AGBL1: variants seen among roughly 807,000 people sequenced by gnomAD.
AGBL1 encodes AGBL carboxypeptidase 1, also known as cytosolic carboxypeptidase 4.
In AGBL1, 130 loss-of-function variants were observed where a neutral mutation model predicts 118.9. That is an observed-to-expected ratio of 1.09 (90% CI 0.95 to 1.26). The LOEUF is 1.26. AGBL1 is among the 50% of genes most tolerant of loss of function. The probability of loss-of-function intolerance (pLI) is 0.00; values close to 1 mark genes in which losing one functional copy is unlikely to be tolerated. For missense variants in AGBL1, 1,584 were observed against 1,298.1 expected (o/e 1.22, Z -3.38); for synonymous variants, 555 against 478.9 (o/e 1.16, Z -2.08).
In AGBL1 at chr15:87,015,143, A is replaced by G. The variant is rs2081597050; in HGVS notation, c.3324-13682A>G. 2.6e-5 allele frequency among the ~76,000 whole-genome samples: 4 copies of G among 151,722 alleles called. No individual in the cohort carries two copies. The Middle Eastern group carries it at 0.01, about 387-fold the overall frequency. ...GAAATCCAGGTTCTTCAAGCTTTGA[A>G]CTCTGAAACCTGCACCTTTAGCCTC... On this transcript the variant is annotated intron_variant, in intron 24 of 24. Coordinates refer to the AGBL1 transcript ENST00000441037.
intron 18 of AGBL1, among the ~76,000 whole-genome samples, chr15:86,427,613 T>A (rs1475252921): frequency 6.6e-6 from 1 of 152,160 alleles, no homozygotes; most frequent in Admixed American, 6.5e-5. Context: ...TCATAAAGTT[T>A]TGACTATTTA....
intron 21 of AGBL1, among the ~76,000 whole-genome samples, chr15:86,658,981 G>A (rs770223611): frequency 2.0e-5 from 3 of 152,160 alleles, no homozygotes; most frequent in Non-Finnish European, 4.4e-5. Flanking sequence ...CGCAGAACAT[G>A]TGTTGGCTGG....
chr15:86,381,749 C>T (rs572957811), intron 17 of AGBL1, among the ~76,000 whole-genome samples: 1 of 152,068 alleles, frequency 6.6e-6, no homozygotes, highest in Non-Finnish European at 1.5e-5. Flanking sequence ...AGAGGGCTTT[C>T]CTGCAGAAGG....
At chr15:86,250,768 G>A (rs899586009) in intron 7 of AGBL1, among the ~76,000 whole-genome samples, 1 of 152,148 alleles carries the variant, frequency 6.6e-6, no homozygotes, top group Non-Finnish European at 1.5e-5. Flanking sequence ...GGTGAGTGCT[G>A]TGAGCACAGA....
chr15:86,366,809 G>T (rs560399179), intron 17 of AGBL1, among the ~76,000 whole-genome samples: 1 of 152,198 alleles, frequency 6.6e-6, no homozygotes, highest in South Asian at 2.1e-4. Context: ...GATCTTGGGG[G>T]GAAAAAGGTT....
chr15:86,261,403 C>T lies in AGBL1; in HGVS notation c.970-1375C>T, dbSNP rs6496315. On this transcript the variant is annotated intron_variant, in intron 9 of 22. Transcript: ENST00000614907. ...AGTTGGTCATGGTGTGTATACTGTA[C>T]CTGAAAATATCATTAAATGAAACTC... 6.1e-3 allele frequency among the ~76,000 whole-genome samples: 922 copies of T among 152,212 alleles called. 6 individuals are homozygous for T. The highest frequency in any genetic ancestry group is 0.017 in the African/African-American group (718 of 41,494).
At chr15:86,785,997 G>A (rs1030247993) in intron 22 of AGBL1, among the ~76,000 whole-genome samples, 4 of 152,154 alleles carry the variant, frequency 2.6e-5, no homozygotes, top group African/African-American at 9.7e-5. Flanking sequence ...AGTGTATCAG[G>A]TAGTTTGTGT....
At chr15:86,519,787 CA>C (rs2083164168) in intron 18 of AGBL1, among the ~76,000 whole-genome samples, 1 of 152,154 alleles carries the variant, frequency 6.6e-6, no homozygotes, top group Non-Finnish European at 1.5e-5. Flanking sequence ...AGACAACAAA[CA>C]AACCAAATTT....
At chr15:86,190,188 T>G (rs2077696907) in intron 5 of AGBL1, among the ~76,000 whole-genome samples, 1 of 152,158 alleles carries the variant, frequency 6.6e-6, no homozygotes, top group South Asian at 2.1e-4. Flanking sequence ...CATATTAATA[T>G]AGCATGATGA....
rs202060119 is a variant in AGBL1, at chr15:86,644,636, C to CAAA, written c.2995-29623_2995-29621dup. ...TTCTATAAAACAATTGGCCTGAACT[C>CAAA]AAAAAAAAAAAAAAAATCAATATCA... On this transcript the variant is annotated intron_variant, in intron 21 of 22. Transcript: ENST00000614907. 1.3e-3 allele frequency among the ~76,000 whole-genome samples: 151 copies of CAAA among 112,090 alleles called. 1 individual carries two copies. Among genetic ancestry groups the CAAA allele is most frequent in the Middle Eastern group, 4.9e-3 (1 of 204 alleles). 73.5% of individuals were successfully genotyped at this position (112,090 alleles called of 152,430 possible). A position where few individuals can be genotyped will look rare whatever the true frequency, so the allele number is the denominator to read the frequency against.
chr15:86,791,827 C>G (rs957009299), intron 22 of AGBL1, among the ~76,000 whole-genome samples: 1 of 151,706 alleles, frequency 6.6e-6, no homozygotes, highest in Non-Finnish European at 1.5e-5. Flanking sequence ...ACCCCCGCTT[C>G]CCAGGTTCAA....
chr15:86,353,506 AG>A (rs1466139508), intron 17 of AGBL1, among the ~76,000 whole-genome samples: 1 of 152,250 alleles, frequency 6.6e-6, no homozygotes, highest in Non-Finnish European at 1.5e-5. Flanking sequence ...CCAAAGTGGA[AG>A]GTCCTGCCTT....
chr15:86,982,776 A>C lies in AGBL1; in HGVS notation c.3222-5211A>C, dbSNP rs527951350. ...AAGAATACAGTATATAATACGAAAT[A>C]AGTGTTAACTGTTTTTGCTATTGGT... On this transcript the variant is annotated intron_variant, in intron 23 of 24. Coordinates refer to the AGBL1 transcript ENST00000441037. Among the ~76,000 whole-genome samples the C allele has an allele frequency of 1.8e-3, 281 of 152,296 alleles. 1 individual carries two copies. Among genetic ancestry groups the C allele is most frequent in the Admixed American group, 4.6e-3 (71 of 15,310 alleles).
intron 18 of AGBL1, among the ~76,000 whole-genome samples, chr15:86,515,368 T>G (rs1207635499): frequency 6.6e-6 from 1 of 152,170 alleles, no homozygotes; most frequent in East Asian, 1.9e-4. Flanking sequence ...TGTGTGCATG[T>G]GTGCCTGTAT....
intron 18 of AGBL1, among the ~76,000 whole-genome samples, chr15:86,514,155 CACACACAT>C (rs2083087896): frequency 6.6e-6 from 1 of 151,274 alleles, no homozygotes; most frequent in Non-Finnish European, 1.5e-5. Flanking sequence ...CACACACACA[CACACACAT>C]ACACATCTAT....
rs1049825087 is a variant in AGBL1 at position 86,374,441 on chromosome 15, C to G, written c.2375-22925C>G. On this transcript the variant is annotated intron_variant, in intron 17 of 22. Coordinates refer to ENST00000614907, the MANE Select transcript of AGBL1 (RefSeq NM_001386094.1). ...TATGAAGGAGATGATGAGAACCAGG[C>G]AGCACCTTCTTTGGGGCATGTGACT... 2.8e-4 allele frequency among the ~76,000 whole-genome samples: 42 copies of G among 152,204 alleles called. 1 individual carries two copies. Among genetic ancestry groups the G allele is most frequent in the African/African-American group, 1.0e-3 (42 of 41,440 alleles).
intron 3 of AGBL1, among the ~76,000 whole-genome samples, chr15:86,145,661 A>G (rs920229100): frequency 6.6e-6 from 1 of 152,112 alleles, no homozygotes; most frequent in Non-Finnish European, 1.5e-5. Context: ...TTTTGCCAAC[A>G]CCTGCATGAG....
chr15:86,514,039 C>G (rs912182771), intron 18 of AGBL1, among the ~76,000 whole-genome samples: 2 of 151,904 alleles, frequency 1.3e-5, no homozygotes, highest in Non-Finnish European at 2.9e-5. Flanking sequence ...TATTTAGAAA[C>G]TGATATCTGG....
chr15:86,821,973 C>T (rs1211451375), intron 22 of AGBL1, among the ~76,000 whole-genome samples: 2 of 152,258 alleles, frequency 1.3e-5, no homozygotes, highest in South Asian at 2.1e-4. Flanking sequence ...CTTTCGGCTC[C>T]TGTCTCAGAG....
Sources: allele counts gnomAD v4.1 joint callset (sites outside exome capture counted in the v4.1 genomes callset), GRCh38; gene constraint gnomAD v4.1.1; transcripts MANE v1.5; gene names NCBI Gene and HGNC (gene_info 2026-07-23, HGNC 2026-07-21).